The following PM20D2 variants were observed in gnomAD, a reference collection of about 807,000 sequenced individuals.
PM20D2 encodes the protein xaa-Arg dipeptidase.
PM20D2 carries 33 observed loss-of-function variants against 42.9 expected under a neutral mutation model. The ratio of observed to expected loss-of-function variants is 0.77; its 90% CI spans 0.58 to 1.03. PM20D2 has a LOEUF of 1.03. Ranked by LOEUF, PM20D2 falls within the 50% of genes least tolerant of loss-of-function variation. The pLI is 0.00. For synonymous variants in PM20D2, 250 were observed against 228.2 expected (o/e 1.10, Z -0.86); for missense variants, 548 against 557.0 (o/e 0.98, Z 0.16).
chr6:89,118,795 G>T, the PM20D2 span, among the ~76,000 whole-genome samples: 15 of 152,192 alleles, frequency 9.9e-5, no homozygotes, highest in African/African-American at 3.6e-4. Context: ...ACATTCTAGA[G>T]GGGGGACAAA....
chr6:89,119,489 T>A, the PM20D2 span, among the ~76,000 whole-genome samples: 2 of 151,872 alleles, frequency 1.3e-5, no homozygotes, highest in Admixed American at 1.3e-4. Context: ...TGGAGAAGAG[T>A]TGGAAAATGA....
chr6:89,149,220 A>G (rs1770741581), intron 1 of PM20D2, 45 bp from the exon 2 acceptor site: 6 of 1,595,620 alleles, frequency 3.8e-6, no homozygotes, highest in Non-Finnish European at 4.3e-6. Context: ...ATATATTCCT[A>G]TGAGGATTTT....
intron 5 of PM20D2, 38 bp from the exon 6 acceptor site, chr6:89,161,745 T>C (rs762594973): frequency 1.4e-6 from 2 of 1,470,392 alleles, no homozygotes; most frequent in South Asian, 1.1e-5. Context: ...TAACCACATA[T>C]ACTTAAATAG....
At chr6:89,122,046 A>G in the PM20D2 span, among the ~76,000 whole-genome samples, 1 of 152,168 alleles carries the variant, frequency 6.6e-6, no homozygotes, top group Non-Finnish European at 1.5e-5. Context: ...TTAGTAGTCT[A>G]TGTTGTGTTT....
At chr6:89,110,998 G>GCTA in the PM20D2 span, among the ~76,000 whole-genome samples, 2 of 152,078 alleles carry the variant, frequency 1.3e-5, no homozygotes, top group African/African-American at 4.8e-5. Flanking sequence ...TATAATCCCA[G>GCTA]CTACTTAGGA....
the PM20D2 span, chr6:89,106,955 G>A: frequency 1.6e-6 from 1 of 623,418 alleles, no homozygotes; most frequent in Non-Finnish European, 3.0e-6. Context: ...CTGGGTTTAT[G>A]CTTGGATTCT....
chr6:89,126,668 TAAAAAAAAAAA>T, the PM20D2 span, among the ~76,000 whole-genome samples: 1 of 104,660 alleles, frequency 9.6e-6, no homozygotes, highest in African/African-American at 3.8e-5. Context: ...AGACTCCATC[TAAAAAAAAAAA>T]AAAAAAAAAG....
the PM20D2 span, among the ~76,000 whole-genome samples, chr6:89,110,211 T>C: frequency 6.6e-6 from 1 of 152,246 alleles, no homozygotes; most frequent in Non-Finnish European, 1.5e-5. Flanking sequence ...CTCCAGGTTC[T>C]TGGCATTTTT....
At chr6:89,136,379 T>C in the PM20D2 span, among the ~76,000 whole-genome samples, 1 of 151,266 alleles carries the variant, frequency 6.6e-6, no homozygotes, top group Admixed American at 6.6e-5. Flanking sequence ...TTAAATCTTT[T>C]AAAATTTCCA....
upstream of PM20D2, among the ~76,000 whole-genome samples, chr6:89,145,302 T>G (rs1770488343): frequency 6.6e-6 from 1 of 152,230 alleles, no homozygotes; most frequent in Admixed American, 6.5e-5. Flanking sequence ...CATATCATGT[T>G]AGTGGAGTTC....
chr6:89,123,023 A>T, the PM20D2 span, among the ~76,000 whole-genome samples: 1 of 152,222 alleles, frequency 6.6e-6, no homozygotes, highest in South Asian at 2.1e-4. Flanking sequence ...CATGTTTTTA[A>T]AAAGGTCATT....
At chr6:89,131,629 G>A in the PM20D2 span, among the ~76,000 whole-genome samples, 8 of 152,160 alleles carry the variant, frequency 5.3e-5, no homozygotes, top group African/African-American at 1.9e-4. Flanking sequence ...AGGCATAACT[G>A]GAGAGGCCTT....
upstream of PM20D2, among the ~76,000 whole-genome samples, chr6:89,142,511 A>G (rs1770357753): frequency 6.6e-6 from 1 of 152,174 alleles, no homozygotes; most frequent in Admixed American, 6.5e-5. Flanking sequence ...TTAAACTGAA[A>G]CGATGTAGGC....
chr6:89,122,508 G>C, the PM20D2 span, among the ~76,000 whole-genome samples: 1 of 152,134 alleles, frequency 6.6e-6, no homozygotes. Context: ...CTCAGAATGG[G>C]CTAATTATCA....
chr6:89,143,625 C>T (rs1770414064), upstream of PM20D2, among the ~76,000 whole-genome samples: 4 of 152,118 alleles, frequency 2.6e-5, no homozygotes, highest in South Asian at 6.2e-4. Flanking sequence ...AGCTTGTATA[C>T]ATTTTTTTTT....
chr6:89,152,076 C>T (rs1403596121), intron 2 of PM20D2, among the ~76,000 whole-genome samples: 1 of 150,142 alleles, frequency 6.7e-6, no homozygotes, highest in Non-Finnish European at 1.5e-5. Flanking sequence ...GCCAGGGTGA[C>T]AGAGGGAGAT....
chr6:89,101,272 G>A, the PM20D2 span, among the ~76,000 whole-genome samples: 7 of 152,330 alleles, frequency 4.6e-5, no homozygotes, highest in African/African-American at 1.7e-4. Context: ...GAATAAGGCA[G>A]AAGCAATATT....
chr6:89,146,663 C>G (rs527985862), intron 1 of PM20D2, 54 bp downstream of exon 1: 1 of 1,313,996 alleles, frequency 7.6e-7, no homozygotes, highest in African/African-American at 1.7e-5. Context: ...TCGGGGGCGA[C>G]CCGGGAAGGG....
chr6:89,151,506 G>A (rs1157539554), intron 2 of PM20D2, among the ~76,000 whole-genome samples: 1 of 152,154 alleles, frequency 6.6e-6, no homozygotes, highest in East Asian at 1.9e-4. Flanking sequence ...GGAATTACAG[G>A]CATGAGCCGC....
Sources: allele counts gnomAD v4.1 joint callset (sites outside exome capture counted in the v4.1 genomes callset), GRCh38; gene constraint gnomAD v4.1.1; transcripts MANE v1.5; gene names NCBI Gene and HGNC (gene_info 2026-07-23, HGNC 2026-07-21).